TATDN2: variants seen among roughly 807,000 people sequenced by gnomAD.
The protein encoded by TATDN2 is TatD DNase domain containing 2.
In TATDN2, 44 loss-of-function variants were observed where a neutral mutation model predicts 60.3. The observed-to-expected ratio is 0.73, with a 90% CI of 0.57 to 0.94. The LOEUF (loss-of-function observed/expected upper bound fraction) is 0.94. Ranked by LOEUF, TATDN2 falls within the 40% of genes least tolerant of loss-of-function variation. The pLI is 0.00. For missense variants in TATDN2, 997 were observed against 948.0 expected, an observed-to-expected ratio of 1.05 and a Z score of -0.68; for synonymous variants, 399 against 355.8, an observed-to-expected ratio of 1.12 and a Z score of -1.37.
At chr3:10,253,154 GC>G in intron 2 of TATDN2, among the ~76,000 whole-genome samples, 1 of 151,320 alleles carries the variant, frequency 6.6e-6, no homozygotes, top group Non-Finnish European at 1.5e-5. Context: ...ACCGCGCCTG[GC>G]CTGCCTGGCT....
Position 10,278,451 on chromosome 3 carries a change from C to G in TATDN2, c.2134C>G (p.Leu712Val). The G allele has an allele frequency of 6.2e-7, 1 of 1,612,144 alleles. No individual in the cohort carries two copies. The highest frequency in any genetic ancestry group is 1.1e-5 in the South Asian group (1 of 91,020). Reference protein sequence around the residue: ...IIVETDAPYFLPRQVPKSLCQ... With the variant: ...IIVETDAPYFVPRQVPKSLCQ... ...CGTGGAAACGGATGCTCCCTATTTC[C>G]TCCCTCGCCAGGTAAGGGGGTCTTC... Residue 712 changes from leucine to valine, a missense_variant, in exon 6 of 8, where the codon CTC becomes GTC. By Grantham distance (32) the Leu-to-Val change is conservative. Coordinates refer to ENST00000448281, the MANE Select transcript of TATDN2 (RefSeq NM_014760.4). This position sits in a 1 kb window ranked among gnomAD's most constrained non-coding sequence, Gnocchi z 4.7.
intron 2 of TATDN2, among the ~76,000 whole-genome samples, chr3:10,252,194 C>A (rs1320288785): frequency 6.9e-6 from 1 of 144,484 alleles, no homozygotes; most frequent in Non-Finnish European, 1.5e-5. Flanking sequence ...AGATGAAGAT[C>A]TCACTGTGTT....
At chr3:10,275,427 C>T (rs1026910077) in intron 4 of TATDN2, among the ~76,000 whole-genome samples, 1 of 152,126 alleles carries the variant, frequency 6.6e-6, no homozygotes. Flanking sequence ...TATTGACCTG[C>T]GAGGATACGC....
In TATDN2 at chr3:10,248,915, A is replaced by G; in HGVS notation, c.-159A>G. On this transcript the variant is annotated 5_prime_UTR_variant, in exon 1 of 8. Coordinates refer to ENST00000448281, the MANE Select transcript of TATDN2 (RefSeq NM_014760.4). The stretch of plus-strand genomic sequence containing the variant: ...AGGCATCTCCGAAGTAGCGCTGGGC[A>G]AAGTGAAGGCTTCCTGATCTCAGAA... The G allele has an allele frequency of 2.6e-6, 1 of 381,332 alleles. No homozygotes were observed. The highest frequency in any genetic ancestry group is 4.6e-6 in the Non-Finnish European group (1 of 215,632). 23.6% of individuals were successfully genotyped at this position (381,332 alleles called of 1,614,324 possible).
At chr3:10,257,778 G>A (rs560309017) in intron 2 of TATDN2, among the ~76,000 whole-genome samples, 13 of 144,974 alleles carry the variant, frequency 9.0e-5, no homozygotes, top group East Asian at 2.1e-4. Flanking sequence ...GCTGCCAACA[G>A]TTTGAGTACT....
intron 3 of TATDN2, 62 bp downstream of exon 3, chr3:10,260,732 T>C: frequency 1.4e-5 from 21 of 1,540,480 alleles, no homozygotes; most frequent in Non-Finnish European, 1.8e-5. Flanking sequence ...GTGTTCCATC[T>C]TTCTAGTTTG....
chr3:10,254,942 C>G (rs1278772198), intron 2 of TATDN2, among the ~76,000 whole-genome samples: 1 of 152,076 alleles, frequency 6.6e-6, no homozygotes, highest in Non-Finnish European at 1.5e-5. Flanking sequence ...CTTAGGTCCT[C>G]CAGCCTAGGA....
chr3:10,278,291 C>T lies in TATDN2; in HGVS notation c.1974C>T (p.Thr658=), dbSNP rs752128692. The change falls in exon 6 of 8, where the codon ACC becomes ACT. Residue 658 remains threonine (T), a synonymous_variant. Coordinates refer to ENST00000448281, the MANE Select transcript of TATDN2 (RefSeq NM_014760.4). This position sits in a 1 kb window ranked among gnomAD's most constrained non-coding sequence, Gnocchi z 4.7. ...PDYKIHRHCF[T]GSYPVIEPLL... ...GTTCTGTCTCCAGGCATTGCTTCACCGGCAGCTACCCGGTCATTGAGCCCC... is the reference window on the plus strand; with the variant it reads ...GTTCTGTCTCCAGGCATTGCTTCACTGGCAGCTACCCGGTCATTGAGCCCC... 54 of 1,613,438 alleles carry T rather than the reference C, an allele frequency of 3.3e-5. 1 individual carries two copies. Among genetic ancestry groups the T allele is most frequent in the South Asian group, 2.3e-4 (21 of 91,004 alleles).
intron 2 of TATDN2, among the ~76,000 whole-genome samples, chr3:10,254,753 C>G (rs142522361): frequency 5.9e-5 from 9 of 152,266 alleles, no homozygotes; most frequent in African/African-American, 1.4e-4. Context: ...CTCCACTTAT[C>G]TTTCCTTCTT....
chr3:10,275,473 C>T (rs934363184), intron 4 of TATDN2, among the ~76,000 whole-genome samples: 9 of 152,194 alleles, frequency 5.9e-5, no homozygotes, highest in Admixed American at 5.2e-4. Context: ...ATTGGCCGGG[C>T]ATGGCGGCTC....
At chr3:10,257,612 C>CAA (rs919342302) in intron 2 of TATDN2, among the ~76,000 whole-genome samples, 5 of 108,280 alleles carry the variant, frequency 4.6e-5, no homozygotes, top group African/African-American at 1.7e-4. Context: ...AAAAAAAAAA[C>CAA]AAAAAAAAAA....
intron 4 of TATDN2, among the ~76,000 whole-genome samples, chr3:10,274,938 G>A (rs181547945): frequency 7.3e-5 from 11 of 151,278 alleles, no homozygotes; most frequent in Non-Finnish European, 4.4e-5. Context: ...CACAGTTGTA[G>A]AAACTACTCA....
At chr3:10,265,681 CAAAAAAAAAAA>C (rs60093055) in intron 3 of TATDN2, among the ~76,000 whole-genome samples, 4 of 62,692 alleles carry the variant, frequency 6.4e-5, no homozygotes, top group Non-Finnish European at 9.6e-5. Flanking sequence ...GACTCCGTCT[CAAAAAAAAAAA>C]AAAAAAAAAA....
intron 3 of TATDN2, 108 bp from the exon 4 acceptor site, chr3:10,270,023 A>G (rs1698532482): frequency 1.4e-6 from 2 of 1,409,306 alleles, no homozygotes; most frequent in Non-Finnish European, 9.6e-7. Flanking sequence ...CAAAGCCATC[A>G]CCATGGCCAG....
chr3:10,272,207 T>A (rs891966824), intron 4 of TATDN2, among the ~76,000 whole-genome samples: 8 of 151,424 alleles, frequency 5.3e-5, no homozygotes, highest in African/African-American at 1.9e-4. Context: ...TGGGCTCAAG[T>A]GATCCTCCCA....
intron 2 of TATDN2, among the ~76,000 whole-genome samples, chr3:10,253,478 C>T (rs1263522301): frequency 1.3e-5 from 2 of 152,228 alleles, no homozygotes; most frequent in African/African-American, 4.8e-5. Context: ...CTTCTTACCT[C>T]CAGGACAGTT....
chr3:10,268,174 C>G (rs924508737), intron 3 of TATDN2, among the ~76,000 whole-genome samples: 3 of 152,278 alleles, frequency 2.0e-5, no homozygotes, highest in East Asian at 1.9e-4. Flanking sequence ...AGAAAAGATT[C>G]TTGTTTGGAT....
In TATDN2 at chr3:10,278,062, G is replaced by A. The variant is rs567597846; in HGVS notation, c.1962-217G>A. 5.3e-5 allele frequency among the ~76,000 whole-genome samples: 8 copies of A among 152,244 alleles called. No individual in the cohort carries two copies. Among genetic ancestry groups the A allele is most frequent in the South Asian group, 2.1e-4 (1 of 4,822 alleles). On this transcript the variant is annotated intron_variant, in intron 5 of 7. Coordinates refer to ENST00000448281, the MANE Select transcript of TATDN2 (RefSeq NM_014760.4). This position sits in a 1 kb window ranked among gnomAD's most constrained non-coding sequence, Gnocchi z 4.7. ...GACTGCAGAGCACTCTGTGGTGTGC[G>A]TGGTATCTCTGAGTGATCTCTGATC... is the stretch of plus-strand genomic sequence containing the variant.
At chr3:10,269,874 G>A (rs754479737) in intron 3 of TATDN2, among the ~76,000 whole-genome samples, 28 of 152,180 alleles carry the variant, frequency 1.8e-4, no homozygotes, top group Non-Finnish European at 4.1e-4. Context: ...CCACCTTTAG[G>A]AGTAGCATGA....
Sources: allele counts gnomAD v4.1 joint callset (sites outside exome capture counted in the v4.1 genomes callset), GRCh38; gene constraint gnomAD v4.1.1; non-coding constraint Gnocchi (gnomAD v3.1); transcripts MANE v1.5; gene names NCBI Gene and HGNC (gene_info 2026-07-23, HGNC 2026-07-21).